The following RBPJ variants were observed in gnomAD, a reference collection of about 807,000 sequenced individuals.
RBPJ encodes recombining binding protein suppressor of hairless.
RBPJ carries 9 observed loss-of-function variants against 67.8 expected under a neutral mutation model. The observed-to-expected ratio is 0.13, with a 90% CI of 0.08 to 0.23. The LOEUF (loss-of-function observed/expected upper bound fraction) is 0.23, where lower values mean the gene tolerates loss of function less well. RBPJ is among the 10% of genes least tolerant of loss of function. The pLI is 1.00. For synonymous variants in RBPJ, 198 were observed against 203.3 expected, an observed-to-expected ratio of 0.97 and a Z score of 0.22; for missense variants, 305 against 595.6, an observed-to-expected ratio of 0.51 and a Z score of 5.08.
chr4:26,356,901 C>T (rs765204042), intron 1 of RBPJ, among the ~76,000 whole-genome samples: 2 of 152,156 alleles, frequency 1.3e-5, no homozygotes, highest in Non-Finnish European at 2.9e-5. Context: ...TATCATATAG[C>T]AGTGTCTGAG....
chr4:26,151,537 A>G, the RBPJ span, among the ~76,000 whole-genome samples: 3 of 152,314 alleles, frequency 2.0e-5, no homozygotes, highest in Admixed American at 2.0e-4. Context: ...TTGGTCATGG[A>G]TATGATATTT....
intron 4 of RBPJ, 136 bp downstream of exon 4, chr4:26,415,776 A>G: frequency 1.3e-6 from 1 of 785,326 alleles, no homozygotes; most frequent in Non-Finnish European, 2.0e-6. Flanking sequence ...AACTAGGACC[A>G]AAAAACATGC....
At position 26,398,953 on chromosome 4, in the gene RBPJ, A is replaced by T. The variant is rs554345172; in HGVS notation, c.60-7222A>T. Among the ~76,000 whole-genome samples, 3 of 152,200 alleles carry T rather than the reference A, an allele frequency of 2.0e-5. No individual in the cohort carries two copies. In the East Asian group the frequency reaches 5.8e-4, roughly 29 times the overall value. On this transcript the variant is annotated intron_variant, in intron 2 of 10. Coordinates refer to ENST00000355476, the MANE Select transcript of RBPJ (RefSeq NM_015874.6). ...GTGTGTTATATACTTCAGCTACTTA[A>T]AAGTACTCAGTTTCTAGATACTAGG...
chr4:26,166,730 C>T (rs954925883), intron 1 of RBPJ, among the ~76,000 whole-genome samples: 1 of 152,080 alleles, frequency 6.6e-6, no homozygotes, highest in African/African-American at 2.4e-5. Flanking sequence ...TAATTAGATC[C>T]CATTTGTCAA....
chr4:26,283,926 G>A (rs1490818068), intron 1 of RBPJ, among the ~76,000 whole-genome samples: 7 of 152,170 alleles, frequency 4.6e-5, no homozygotes, highest in Non-Finnish European at 8.8e-5. Flanking sequence ...TTACAGGCAT[G>A]AGCCACCACG....
intron 1 of RBPJ, among the ~76,000 whole-genome samples, chr4:26,382,878 G>GT (rs1730466100): frequency 6.6e-6 from 1 of 152,114 alleles, no homozygotes; most frequent in Non-Finnish European, 1.5e-5. Flanking sequence ...TTCCTTTTGA[G>GT]TTTTTTCCAG....
At chr4:26,163,769 G>A (rs1716151187) in intron 1 of RBPJ, among the ~76,000 whole-genome samples, 1 of 152,230 alleles carries the variant, frequency 6.6e-6, no homozygotes, top group Admixed American at 6.5e-5. Flanking sequence ...TGAAATCTCT[G>A]CATGGTAGTG....
chr4:26,295,358 G>A (rs978683045), intron 1 of RBPJ, among the ~76,000 whole-genome samples: 26 of 151,938 alleles, frequency 1.7e-4, no homozygotes, highest in African/African-American at 5.8e-4. Context: ...TTCCATTCAC[G>A]GCATGAATTG....
the RBPJ span, among the ~76,000 whole-genome samples, chr4:26,114,497 A>ATATATGTG: frequency 2.9e-5 from 4 of 140,032 alleles, no homozygotes; most frequent in African/African-American, 1.1e-4. Context: ...ATATATATAT[A>ATATATGTG]TGTATGTGTG....
the RBPJ span, among the ~76,000 whole-genome samples, chr4:26,155,284 C>T: frequency 8.5e-3 from 1,287 of 152,266 alleles, 12 homozygotes; most frequent in African/African-American, 0.029. Context: ...ACCAGCTGAG[C>T]GCCATTTCCA....
rs116124387 is a variant in RBPJ at position 26,306,745 on chromosome 4, G to T, written c.-166-55701G>T. On this transcript the variant is annotated intron_variant, in intron 1 of 4. Transcript: ENST00000512351. Reference sequence around the variant, plus strand: ...ATTACAGGCATGAGTCACTGTGCCCGGCTGAGAATTATTTTTTAATTAATA... The same window carrying T: ...ATTACAGGCATGAGTCACTGTGCCCTGCTGAGAATTATTTTTTAATTAATA... 5.2e-3 allele frequency among the ~76,000 whole-genome samples: 790 copies of T among 151,972 alleles called. 13 individuals are homozygous for T. The highest frequency in any genetic ancestry group is 0.018 in the African/African-American group (764 of 41,440).
At chr4:26,273,895 C>T (rs987449647) in intron 1 of RBPJ, among the ~76,000 whole-genome samples, 11 of 152,144 alleles carry the variant, frequency 7.2e-5, no homozygotes, top group Non-Finnish European at 1.2e-4. Context: ...CCTGGGAATC[C>T]GATTAGGCCC....
At chr4:26,203,093 C>T (rs559343189) in intron 1 of RBPJ, among the ~76,000 whole-genome samples, 7 of 152,170 alleles carry the variant, frequency 4.6e-5, no homozygotes, top group Non-Finnish European at 7.3e-5. Context: ...TAGTCCAAGT[C>T]ACCAGCATAT....
chr4:26,337,231 A>G (rs558874612), intron 1 of RBPJ, among the ~76,000 whole-genome samples: 89 of 151,936 alleles, frequency 5.9e-4, no homozygotes, highest in Non-Finnish European at 1.1e-3. Context: ...TTGGCCTCCC[A>G]AAGTGCTGGG....
intron 1 of RBPJ, among the ~76,000 whole-genome samples, chr4:26,251,548 A>T (rs1372436190): frequency 6.6e-6 from 1 of 151,202 alleles, no homozygotes; most frequent in Non-Finnish European, 1.5e-5. Flanking sequence ...AGGCATGAGA[A>T]TTGCTTGAAC....
upstream of RBPJ, chr4:26,320,636 T>C: frequency 8.0e-7 from 1 of 1,243,234 alleles, no homozygotes; most frequent in South Asian, 1.6e-5. Flanking sequence ...TCCCTTCTCC[T>C]CGGCCCCGCC....
chr4:26,219,942 AT>A (rs60883152), intron 1 of RBPJ, among the ~76,000 whole-genome samples: 88,894 of 147,170 alleles, frequency 0.6, 26,878 homozygotes, highest in East Asian at 0.84. Context: ...CGCCCAACTA[AT>A]TTTTTTTTTT....
intron 1 of RBPJ, among the ~76,000 whole-genome samples, chr4:26,274,411 T>C (rs928527464): frequency 5.9e-5 from 9 of 152,218 alleles, no homozygotes; most frequent in African/African-American, 2.2e-4. Flanking sequence ...GAGGACTGCG[T>C]GATCCCAGGA....
the RBPJ span, among the ~76,000 whole-genome samples, chr4:26,144,925 A>G: frequency 6.6e-6 from 1 of 152,170 alleles, no homozygotes; most frequent in Non-Finnish European, 1.5e-5. Context: ...TGTGCCTTGC[A>G]GACAGAACAG....
Sources: gnomAD v4.1 joint callset for allele counts (sites outside exome capture counted in the v4.1 genomes callset) on GRCh38, gnomAD v4.1.1 for gene constraint, MANE v1.5 for transcripts, NCBI Gene and HGNC (gene_info 2026-07-23, HGNC 2026-07-21) for gene names.